Variants in NSMCE1 observed in about 807,000 individuals in gnomAD.
The protein encoded by NSMCE1 is NSE1 component of SMC5/6 complex.
Under a neutral mutation model 29.6 loss-of-function variants are expected in NSMCE1, and 18 were observed. The ratio of observed to expected loss-of-function variants is 0.61; its 90% confidence interval spans 0.42 to 0.90. NSMCE1 has a LOEUF of 0.90. NSMCE1 is among the 40% of genes least tolerant of loss of function. The pLI is 0.00. For synonymous variants in NSMCE1, 124 were observed against 133.4 expected, an observed-to-expected ratio of 0.93 and a Z score of 0.49; for missense variants, 314 against 343.6, an observed-to-expected ratio of 0.91 and a Z score of 0.68.
intron 1 of NSMCE1, among the ~76,000 whole-genome samples, chr16:27,261,561 C>T (rs2141011446): frequency 6.6e-6 from 1 of 152,282 alleles, no homozygotes; most frequent in South Asian, 2.1e-4. Flanking sequence ...CCATTAATGA[C>T]ATTTTATAGA....
At chr16:27,259,868 A>G (rs2084135646) in intron 1 of NSMCE1, among the ~76,000 whole-genome samples, 1 of 152,246 alleles carries the variant, frequency 6.6e-6, no homozygotes, top group African/African-American at 2.4e-5. Flanking sequence ...AGCCGGTCAC[A>G]GTGGAAACAT....
intron 1 of NSMCE1, among the ~76,000 whole-genome samples, chr16:27,262,753 T>C (rs1449409453): frequency 6.6e-6 from 1 of 152,128 alleles, no homozygotes; most frequent in African/African-American, 2.4e-5. Flanking sequence ...GAGATCTAAT[T>C]AAACTTAAGA....
chr16:27,226,344 A>G (rs2083691041), intron 6 of NSMCE1: 2 of 239,024 alleles, frequency 8.4e-6, no homozygotes, highest in Non-Finnish European at 1.6e-5. Flanking sequence ...ACGCTGGTTC[A>G]GCGGTTGCAA....
rs182265126 is a variant in NSMCE1 at position 27,254,216 on chromosome 16, A to G, written c.136+3219T>C. On this transcript the variant is annotated intron_variant, in intron 2 of 7. Coordinates refer to ENST00000361439, the MANE Select transcript of NSMCE1 (RefSeq NM_145080.4). ...GTCATTTCCTGTTTAAAATCTCCCTAATAACAAGAACATGCAGTAACAAGT... is the reference window on the plus strand; with the variant it reads ...GTCATTTCCTGTTTAAAATCTCCCTGATAACAAGAACATGCAGTAACAAGT... Among the ~76,000 whole-genome samples, 568 of 152,344 alleles carry G rather than the reference A, an allele frequency of 3.7e-3. 2 individuals carry two copies. Among genetic ancestry groups the G allele is most frequent in the African/African-American group, 0.013 (527 of 41,580 alleles).
At chr16:27,257,612 C>A in intron 1 of NSMCE1, 31 bp from the exon 2 acceptor site, 1 of 1,569,432 alleles carries the variant, frequency 6.4e-7, no homozygotes, top group South Asian at 1.2e-5. Flanking sequence ...ACTAGTCAAC[C>A]CCAAGCACAT....
chr16:27,225,547 C>T (rs1381767985), intron 7 of NSMCE1, among the ~76,000 whole-genome samples, 179 bp downstream of exon 7: 1 of 152,226 alleles, frequency 6.6e-6, no homozygotes, highest in Non-Finnish European at 1.5e-5. Flanking sequence ...TCCTCTGGAG[C>T]GGTGCACGTA....
intron 2 of NSMCE1, among the ~76,000 whole-genome samples, chr16:27,239,289 C>T (rs1797658340): frequency 6.6e-6 from 1 of 152,236 alleles, no homozygotes. Flanking sequence ...CTCAGGTCTT[C>T]AGGACAGCTA....
At chr16:27,240,639 T>C (rs1166010577) in intron 2 of NSMCE1, among the ~76,000 whole-genome samples, 1 of 152,160 alleles carries the variant, frequency 6.6e-6, no homozygotes, top group African/African-American at 2.4e-5. Context: ...GTGGTGGCAA[T>C]TGAAAACGGG....
At chr16:27,248,150 T>C (rs2083977693) in intron 2 of NSMCE1, among the ~76,000 whole-genome samples, 1 of 152,166 alleles carries the variant, frequency 6.6e-6, no homozygotes, top group Non-Finnish European at 1.5e-5. Context: ...CAAATAAAGA[T>C]ACTCTATCTC....
intron 2 of NSMCE1, among the ~76,000 whole-genome samples, chr16:27,250,541 C>G (rs2084014626): frequency 6.6e-6 from 1 of 151,542 alleles, no homozygotes; most frequent in South Asian, 2.1e-4. Context: ...CCTGTAATCC[C>G]AGCACTTTGG....
chr16:27,229,279 G>A (rs1048894459), intron 5 of NSMCE1, among the ~76,000 whole-genome samples: 7 of 152,206 alleles, frequency 4.6e-5, no homozygotes, highest in Non-Finnish European at 8.8e-5. Flanking sequence ...GCTGAGGGCC[G>A]GTTCCTCTGG....
At chr16:27,240,001 C>CAGTAA (rs1239923362) in intron 2 of NSMCE1, among the ~76,000 whole-genome samples, 1 of 152,180 alleles carries the variant, frequency 6.6e-6, no homozygotes, top group Non-Finnish European at 1.5e-5. Context: ...ATGACAATAA[C>CAGTAA]AGTAACTCCG....
At chr16:27,256,786 G>A (rs2084091948) in intron 2 of NSMCE1, among the ~76,000 whole-genome samples, 1 of 152,156 alleles carries the variant, frequency 6.6e-6, no homozygotes, top group African/African-American at 2.4e-5. Flanking sequence ...GCTGACACAG[G>A]GCAGGGACAC....
At chr16:27,260,377 G>A (rs1031188895) in intron 1 of NSMCE1, among the ~76,000 whole-genome samples, 11 of 151,734 alleles carry the variant, frequency 7.2e-5, no homozygotes, top group Non-Finnish European at 1.5e-5. Flanking sequence ...AACAAATAGT[G>A]TATATAATTT....
At chr16:27,257,412 G>A (rs748929846) in intron 2 of NSMCE1, 23 bp downstream of exon 2, 6 of 1,594,348 alleles carry the variant, frequency 3.8e-6, no homozygotes, top group Non-Finnish European at 5.1e-6. Flanking sequence ...AGAGCGCCCT[G>A]GGAACAGGGA....
chr16:27,254,628 C>G (rs539814721), intron 2 of NSMCE1, among the ~76,000 whole-genome samples: 2 of 152,276 alleles, frequency 1.3e-5, no homozygotes, highest in East Asian at 3.9e-4. Context: ...CTGTGTTGCC[C>G]AGGCTGGAGT....
intron 7 of NSMCE1, 109 bp downstream of exon 7, chr16:27,225,617 C>T (rs767048413): frequency 7.5e-7 from 1 of 1,331,786 alleles, no homozygotes; most frequent in Non-Finnish European, 1.0e-6. Context: ...ACACGGACCC[C>T]CACACACCCT....
At chr16:27,227,712 C>T (rs2083713702) in intron 5 of NSMCE1, among the ~76,000 whole-genome samples, 1 of 152,132 alleles carries the variant, frequency 6.6e-6, no homozygotes, top group Admixed American at 6.5e-5. Context: ...GAGTGCTCAA[C>T]TGCCTTTTCT....
intron 5 of NSMCE1, among the ~76,000 whole-genome samples, chr16:27,227,934 C>T (rs1271831006): frequency 3.9e-5 from 6 of 152,082 alleles, no homozygotes; most frequent in Admixed American, 2.0e-4. Flanking sequence ...TACAGGCATG[C>T]GCCACCACGC....
Sources: allele counts gnomAD v4.1 joint callset (sites outside exome capture counted in the v4.1 genomes callset), GRCh38; gene constraint gnomAD v4.1.1; transcripts MANE v1.5; gene names NCBI Gene and HGNC (gene_info 2026-07-23, HGNC 2026-07-21).